MAPK8: variants seen among roughly 807,000 people sequenced by gnomAD.
The protein encoded by MAPK8 is JUN N-terminal kinase.
MAPK8 carries 13 observed loss-of-function variants against 52.9 expected under a neutral mutation model. That is an observed-to-expected ratio of 0.25 (90% CI 0.16 to 0.39). The LOEUF (loss-of-function observed/expected upper bound fraction) is 0.39, where lower values mean the gene tolerates loss of function less well. Among genes scored for constraint, MAPK8 ranks in the 10% least tolerant of loss-of-function variants. The probability of loss-of-function intolerance (pLI) is 1.00; values close to 1 mark genes in which losing one functional copy is unlikely to be tolerated. For synonymous variants in MAPK8, 191 were observed against 169.8 expected (o/e 1.12, Z -0.97); for missense variants, 300 against 519.2 (o/e 0.58, Z 4.10).
chr10:48,321,792 G>A (rs1213342423), intron 1 of MAPK8, among the ~76,000 whole-genome samples: 1 of 151,762 alleles, frequency 6.6e-6, no homozygotes, highest in Admixed American at 6.6e-5. Flanking sequence ...ATTGTCTTGG[G>A]CATTCTTGAA....
intron 1 of MAPK8, among the ~76,000 whole-genome samples, chr10:48,379,367 T>G (rs565802264): frequency 6.6e-6 from 1 of 152,222 alleles, no homozygotes; most frequent in Non-Finnish European, 1.5e-5. Context: ...AGTAGTTTGA[T>G]CATATGCTGT....
At chr10:48,383,028 A>G (rs1386100203) in intron 1 of MAPK8, among the ~76,000 whole-genome samples, 1 of 151,340 alleles carries the variant, frequency 6.6e-6, no homozygotes, top group Non-Finnish European at 1.5e-5. Context: ...TCAAAGAAAA[A>G]AAAATATTTT....
chr10:48,403,106 C>T (rs2042243150), intron 2 of MAPK8, among the ~76,000 whole-genome samples: 1 of 152,114 alleles, frequency 6.6e-6, no homozygotes, highest in South Asian at 2.1e-4. Context: ...TGTTGTTTAT[C>T]TCTGAGAAAA....
intron 1 of MAPK8, among the ~76,000 whole-genome samples, chr10:48,358,135 G>A (rs1192331461): frequency 6.6e-6 from 1 of 152,108 alleles, no homozygotes; most frequent in Non-Finnish European, 1.5e-5. Flanking sequence ...GTGTATCCAC[G>A]TTTTTGTTTG....
chr10:48,355,797 A>T (rs1207947365), intron 1 of MAPK8, among the ~76,000 whole-genome samples: 2 of 152,194 alleles, frequency 1.3e-5, no homozygotes, highest in African/African-American at 4.8e-5. Context: ...TGGTTAAATA[A>T]ATAAATCCTC....
intron 2 of MAPK8, among the ~76,000 whole-genome samples, chr10:48,402,273 C>G (rs1237182015): frequency 2.0e-5 from 3 of 152,322 alleles, no homozygotes; most frequent in African/African-American, 7.2e-5. Context: ...ATATCTCTAT[C>G]AGCAAAGAAT....
At chr10:48,408,258 G>A (rs1283535100) in intron 3 of MAPK8, among the ~76,000 whole-genome samples, 1 of 152,148 alleles carries the variant, frequency 6.6e-6, no homozygotes, top group Non-Finnish European at 1.5e-5. Context: ...CTCTGTGGTA[G>A]GGATGAGGCT....
At chr10:48,426,260 A>G (rs2043677907) in intron 8 of MAPK8, 120 bp from the exon 9 acceptor site, 3 of 916,822 alleles carry the variant, frequency 3.3e-6, no homozygotes, top group Admixed American at 6.8e-5. Context: ...TATGTATAAG[A>G]TAATTTTACA....
chr10:48,361,437 C>G (rs1847513454), intron 1 of MAPK8, among the ~76,000 whole-genome samples: 1 of 152,186 alleles, frequency 6.6e-6, no homozygotes, highest in Non-Finnish European at 1.5e-5. Context: ...TACTGCTCCA[C>G]AGGACCTCAT....
chr10:48,329,289 TTC>T (rs1296153063), intron 1 of MAPK8, among the ~76,000 whole-genome samples: 1 of 152,200 alleles, frequency 6.6e-6, no homozygotes, highest in Non-Finnish European at 1.5e-5. Flanking sequence ...TGCTTTCCTC[TTC>T]TCTTATTAAT....
chr10:48,310,228 CTG>C (rs1841838943), intron 1 of MAPK8, among the ~76,000 whole-genome samples: 1 of 152,164 alleles, frequency 6.6e-6, no homozygotes, highest in Non-Finnish European at 1.5e-5. Flanking sequence ...AAAGTATAAA[CTG>C]AGGCTGTCAG....
rs544739383 is a variant in MAPK8 at position 48,416,499 on chromosome 10, G to A, written c.451-3656G>A. 7.9e-5 allele frequency among the ~76,000 whole-genome samples: 12 copies of A among 152,238 alleles called. No homozygotes were observed. The South Asian group carries it at 1.9e-3, about 24-fold the overall frequency. On this transcript the variant is annotated intron_variant, in intron 5 of 11. Transcript: ENST00000374189. ...CCCTTTATTCCACACCTTCTTAAGG[G>A]AAATAACCCAAAGTTCTATTCCATC...
chr10:48,422,283 C>T (rs1453741311), intron 6 of MAPK8, among the ~76,000 whole-genome samples: 3 of 152,174 alleles, frequency 2.0e-5, no homozygotes, highest in African/African-American at 7.2e-5. Context: ...CCACCTGCCT[C>T]AGCCTCCCAA....
At chr10:48,344,358 A>G (rs1845571464) in intron 1 of MAPK8, among the ~76,000 whole-genome samples, 1 of 152,222 alleles carries the variant, frequency 6.6e-6, no homozygotes, top group African/African-American at 2.4e-5. Flanking sequence ...TTATTCCTAA[A>G]GAGCTACTGC....
chr10:48,342,341 G>A lies in MAPK8; in HGVS notation c.-50+35520G>A, dbSNP rs1589003724. Among the ~76,000 whole-genome samples the A allele has an allele frequency of 3.9e-5, 6 of 152,158 alleles. 2 individuals are homozygous for A. On this transcript the variant is annotated intron_variant, in intron 1 of 11. Transcript: ENST00000374189. Reference sequence around the variant, plus strand: ...CTGGTCTTGAACTTCCTGGTCTCAAGCAGTCCTCCCACCTCAGCCTCCAAA... The same window carrying A: ...CTGGTCTTGAACTTCCTGGTCTCAAACAGTCCTCCCACCTCAGCCTCCAAA...
chr10:48,389,912 G>A (rs1285029130), intron 1 of MAPK8, among the ~76,000 whole-genome samples: 1 of 152,188 alleles, frequency 6.6e-6, no homozygotes, highest in Non-Finnish European at 1.5e-5. Context: ...GCTGTATTAA[G>A]AGATTTATTA....
intron 1 of MAPK8, among the ~76,000 whole-genome samples, chr10:48,347,703 C>T (rs1845925104): frequency 6.6e-6 from 1 of 152,144 alleles, no homozygotes; most frequent in Non-Finnish European, 1.5e-5. Context: ...CAGATTCATC[C>T]ATGTCCCTGC....
At chr10:48,353,098 A>T (rs1198152006) in intron 1 of MAPK8, among the ~76,000 whole-genome samples, 1 of 152,202 alleles carries the variant, frequency 6.6e-6, no homozygotes, top group Non-Finnish European at 1.5e-5. Flanking sequence ...GAAATCAAAG[A>T]CCCAAATGAA....
intron 1 of MAPK8, among the ~76,000 whole-genome samples, chr10:48,354,399 C>T (rs1846642780): frequency 6.6e-6 from 1 of 152,206 alleles, no homozygotes; most frequent in African/African-American, 2.4e-5. Context: ...ATACGTTCTT[C>T]CTCTTCACCT....
Sources: allele counts gnomAD v4.1 joint callset (sites outside exome capture counted in the v4.1 genomes callset), GRCh38; gene constraint gnomAD v4.1.1; transcripts MANE v1.5; gene names NCBI Gene and HGNC (gene_info 2026-07-23, HGNC 2026-07-21).